Variants in STK32A observed in about 807,000 individuals in gnomAD.
STK32A encodes serine/threonine kinase 32A, also known as serine/threonine-protein kinase 32A.
STK32A carries 41 observed loss-of-function variants against 53.2 expected under a neutral mutation model. The ratio of observed to expected loss-of-function variants is 0.77; its 90% CI spans 0.60 to 1.00. The LOEUF (loss-of-function observed/expected upper bound fraction) is 1.00. Ranked by LOEUF, STK32A falls within the 50% of genes least tolerant of loss-of-function variation. The pLI is 0.00. For missense variants in STK32A, 458 were observed against 485.8 expected (o/e 0.94, Z 0.54); for synonymous variants, 166 against 162.8 (o/e 1.02, Z -0.15).
intron 6 of STK32A, chr5:147,348,635 A>G: frequency 1.3e-6 from 1 of 746,396 alleles, no homozygotes. Context: ...ACTAAAGTAG[A>G]CAGTTGCATG....
chr5:147,397,017 A>G, the STK32A span, among the ~76,000 whole-genome samples: 2 of 117,946 alleles, frequency 1.7e-5, no homozygotes, highest in Non-Finnish European at 3.4e-5. Context: ...CAATATAAAT[A>G]TATAAATGTT....
At chr5:147,237,154 T>A (rs1753358227) in intron 1 of STK32A, among the ~76,000 whole-genome samples, 1 of 151,770 alleles carries the variant, frequency 6.6e-6, no homozygotes, top group East Asian at 1.9e-4. Flanking sequence ...CTACTAAAAA[T>A]ACAAAAAAAT....
chr5:147,244,504 G>A (rs1002182860), intron 2 of STK32A, among the ~76,000 whole-genome samples: 3 of 152,170 alleles, frequency 2.0e-5, no homozygotes, highest in Non-Finnish European at 4.4e-5. Context: ...ACACAGCCTG[G>A]CATGATGGGC....
chr5:147,344,771 G>A (rs1032206357), intron 6 of STK32A, among the ~76,000 whole-genome samples: 4 of 152,198 alleles, frequency 2.6e-5, no homozygotes, highest in Non-Finnish European at 5.9e-5. Context: ...TGCTCCCTCA[G>A]CTGGGTGCCT....
intron 4 of STK32A, among the ~76,000 whole-genome samples, chr5:147,288,139 A>G (rs1752431090): frequency 6.6e-6 from 1 of 152,152 alleles, no homozygotes; most frequent in Admixed American, 6.5e-5. Context: ...CTCACAGTGG[A>G]ACACTAGGCA....
At chr5:147,377,850 T>G (rs1280148692) in intron 11 of STK32A, among the ~76,000 whole-genome samples, 1 of 152,168 alleles carries the variant, frequency 6.6e-6, no homozygotes, top group African/African-American at 2.4e-5. Context: ...GTTTTTTTGA[T>G]GTTTCTGTTC....
intron 4 of STK32A, among the ~76,000 whole-genome samples, chr5:147,304,023 C>G (rs559695650): frequency 1.1e-4 from 17 of 152,296 alleles, no homozygotes; most frequent in Admixed American, 1.1e-3. Context: ...AAAAGAAACT[C>G]ACTGGATGGA....
rs1561675414 is a variant in STK32A, at chr5:147,260,260, TCTCCCTCTCCCC to T, written c.53-17863_53-17852del. Among the ~76,000 whole-genome samples the T allele has an allele frequency of 9.3e-4, 126 of 135,746 alleles. 2 individuals carry two copies. The highest frequency in any genetic ancestry group is 3.2e-3 in the African/African-American group (115 of 35,876). 89.1% of individuals were successfully genotyped at this position (135,746 alleles called of 152,430 possible). A position where few individuals can be genotyped will look rare whatever the true frequency, so the allele number is the denominator to read the frequency against. Reference sequence around the variant, plus strand: ...TCTCTGTCTCTCTCTCTCTCCTCTCTCTCCCTCTCCCCTCTCTGTCTCTCTCTCTCGCCTGTC... The same window carrying T: ...TCTCTGTCTCTCTCTCTCTCCTCTCTTCTCTGTCTCTCTCTCTCGCCTGTC... On this transcript the variant is annotated intron_variant, in intron 2 of 12. Coordinates refer to ENST00000397936, the MANE Select transcript of STK32A (RefSeq NM_001112724.2).
At chr5:147,251,228 G>T (rs1158535901) in intron 2 of STK32A, among the ~76,000 whole-genome samples, 1 of 152,108 alleles carries the variant, frequency 6.6e-6, no homozygotes, top group Non-Finnish European at 1.5e-5. Flanking sequence ...CTCTGCACTT[G>T]CTGTCTCCAA....
chr5:147,274,890 T>C lies in STK32A; in HGVS notation c.53-3234T>C, dbSNP rs73794374. Reference sequence around the variant, plus strand: ...TCAGGGACTGTGCTCTTAATCTCAGTGGTCATCAAACTTTTCTGTAAAGAG... The same window carrying C: ...TCAGGGACTGTGCTCTTAATCTCAGCGGTCATCAAACTTTTCTGTAAAGAG... On this transcript the variant is annotated intron_variant, in intron 2 of 12. Coordinates refer to ENST00000397936, the MANE Select transcript of STK32A (RefSeq NM_001112724.2). Among the ~76,000 whole-genome samples the C allele has an allele frequency of 8.5e-3, 1,298 of 152,308 alleles. 24 individuals are homozygous for C. Among genetic ancestry groups the C allele is most frequent in the African/African-American group, 0.03 (1,241 of 41,560 alleles).
intron 1 of STK32A, among the ~76,000 whole-genome samples, chr5:147,239,318 T>C (rs1447847117): frequency 6.6e-6 from 1 of 152,228 alleles, no homozygotes; most frequent in Admixed American, 6.5e-5. Context: ...GAAAAATATG[T>C]TGCTTTCCTC....
intron 6 of STK32A, chr5:147,348,570 C>G (rs1273199933): frequency 2.9e-6 from 2 of 691,248 alleles, no homozygotes; most frequent in African/African-American, 1.8e-5. Context: ...CTACCTTCCA[C>G]TTCTACATGA....
chr5:147,248,584 T>TC (rs1030824222), intron 2 of STK32A, among the ~76,000 whole-genome samples: 12 of 152,258 alleles, frequency 7.9e-5, no homozygotes, highest in African/African-American at 2.6e-4. Flanking sequence ...TTGATGTTGA[T>TC]CCCCCCATCC....
chr5:147,332,820 T>C (rs1311881296), intron 5 of STK32A, among the ~76,000 whole-genome samples: 2 of 152,184 alleles, frequency 1.3e-5, no homozygotes, highest in Admixed American at 6.5e-5. Context: ...GAATTACACA[T>C]TGTGAAAACA....
chr5:147,365,918 C>T (rs373297605), intron 8 of STK32A, among the ~76,000 whole-genome samples: 43 of 152,100 alleles, frequency 2.8e-4, no homozygotes, highest in African/African-American at 9.4e-4. Context: ...TATTATTTTA[C>T]CTCTATGCTA....
the STK32A span, chr5:147,400,707 G>T: frequency 7.3e-5 from 118 of 1,613,962 alleles, no homozygotes; most frequent in Non-Finnish European, 9.3e-5. Flanking sequence ...CCTTGTCCCA[G>T]ATGACAGACA....
chr5:147,276,570 C>T (rs1414104663), intron 2 of STK32A, among the ~76,000 whole-genome samples: 1 of 152,078 alleles, frequency 6.6e-6, no homozygotes, highest in Non-Finnish European at 1.5e-5. Context: ...TATTTATTTG[C>T]TAAGACCTGG....
intron 2 of STK32A, among the ~76,000 whole-genome samples, chr5:147,247,753 T>A (rs1753817521): frequency 2.0e-5 from 3 of 152,250 alleles, no homozygotes; most frequent in Admixed American, 1.3e-4. Context: ...TTATGGACAC[T>A]GAAATGTGAA....
At chr5:147,324,855 AAAC>A (rs2151978557) in intron 5 of STK32A, among the ~76,000 whole-genome samples, 1 of 152,188 alleles carries the variant, frequency 6.6e-6, no homozygotes, top group East Asian at 1.9e-4. Context: ...ATCAACATCA[AAAC>A]AACTAGTGTT....
Sources: allele counts gnomAD v4.1 joint callset (sites outside exome capture counted in the v4.1 genomes callset), GRCh38; gene constraint gnomAD v4.1.1; transcripts MANE v1.5; gene names NCBI Gene and HGNC (gene_info 2026-07-23, HGNC 2026-07-21).